Variants in CHN1 observed in about 807,000 individuals in gnomAD.
The protein encoded by CHN1 is N-chimaerin.
Under a neutral mutation model 59.5 loss-of-function variants are expected in CHN1, and 37 were observed. The ratio of observed to expected loss-of-function variants is 0.62; its 90% confidence interval spans 0.48 to 0.82. The LOEUF is 0.82. CHN1 is among the 40% of genes least tolerant of loss of function. The pLI is 0.00. For synonymous variants in CHN1, 206 were observed against 200.4 expected (o/e 1.03, Z -0.24); for missense variants, 469 against 571.0 (o/e 0.82, Z 1.82).
At chr2:174,882,007 C>T (rs1195397349) in intron 5 of CHN1, among the ~76,000 whole-genome samples, 1 of 152,190 alleles carries the variant, frequency 6.6e-6, no homozygotes, top group Non-Finnish European at 1.5e-5. Flanking sequence ...TTTGTAAAAA[C>T]TGTTGAGGCT....
chr2:174,905,368 C>T (rs1688514612), intron 5 of CHN1, among the ~76,000 whole-genome samples: 1 of 152,036 alleles, frequency 6.6e-6, no homozygotes, highest in Non-Finnish European at 1.5e-5. Context: ...TCAACTCTAC[C>T]CTTAAATGAA....
chr2:174,832,562 A>C (rs1685916343), intron 7 of CHN1, among the ~76,000 whole-genome samples: 1 of 152,092 alleles, frequency 6.6e-6, no homozygotes, highest in Non-Finnish European at 1.5e-5. Context: ...TTTCTTCTTC[A>C]ACCCATGAGT....
chr2:174,935,214 A>AC (rs1689461635), intron 3 of CHN1, among the ~76,000 whole-genome samples: 5 of 152,322 alleles, frequency 3.3e-5, no homozygotes, highest in Admixed American at 3.3e-4. Context: ...GCGCTTCTGC[A>AC]CTAAGTAAAG....
At chr2:174,996,422 C>T (rs902521894) in intron 1 of CHN1, among the ~76,000 whole-genome samples, 1 of 152,092 alleles carries the variant, frequency 6.6e-6, no homozygotes, top group South Asian at 2.1e-4. Context: ...TTTACAATAA[C>T]GATATAGGTG....
At chr2:174,867,387 A>C (rs1246939894) in intron 6 of CHN1, among the ~76,000 whole-genome samples, 1 of 152,066 alleles carries the variant, frequency 6.6e-6, no homozygotes, top group Non-Finnish European at 1.5e-5. Context: ...TCAAAAAAAA[A>C]AAAAGATTAC....
intron 6 of CHN1, chr2:174,875,678 AT>A: frequency 2.9e-6 from 1 of 348,496 alleles, no homozygotes; most frequent in Non-Finnish European, 4.0e-6. Flanking sequence ...GAGGTAAAGA[AT>A]TCACAGACAA....
intron 8 of CHN1, among the ~76,000 whole-genome samples, chr2:174,818,948 CATT>C (rs1250342787): frequency 6.6e-6 from 1 of 152,072 alleles, no homozygotes; most frequent in Non-Finnish European, 1.5e-5. Context: ...AAATTATAAT[CATT>C]ATTCTCTCTG....
intron 1 of CHN1, among the ~76,000 whole-genome samples, chr2:174,989,653 G>C (rs1691472475): frequency 1.3e-5 from 2 of 152,022 alleles, no homozygotes; most frequent in African/African-American, 4.8e-5. Context: ...AGCTGGGCAT[G>C]GTGGCTCGCA....
intron 3 of CHN1, among the ~76,000 whole-genome samples, chr2:174,919,248 A>G (rs1688935573): frequency 6.6e-6 from 1 of 152,238 alleles, no homozygotes; most frequent in African/African-American, 2.4e-5. Context: ...AGCTTTAAAA[A>G]GAAAATAGAA....
intron 5 of CHN1, among the ~76,000 whole-genome samples, chr2:174,882,943 C>A (rs528245335): frequency 6.6e-6 from 1 of 152,244 alleles, no homozygotes; most frequent in East Asian, 1.9e-4. Context: ...AAAATGATAT[C>A]CCATCCAAAA....
chr2:174,824,342 C>CT, intron 8 of CHN1, 92 bp downstream of exon 8: 1 of 903,612 alleles, frequency 1.1e-6, no homozygotes, highest in South Asian at 1.7e-5. Flanking sequence ...AGGATCCAGC[C>CT]TACTGGATAT....
At chr2:174,886,757 C>T (rs944036997) in intron 5 of CHN1, among the ~76,000 whole-genome samples, 4 of 152,122 alleles carry the variant, frequency 2.6e-5, no homozygotes, top group Admixed American at 6.6e-5. Context: ...TGGTCAAGTA[C>T]ATGCCTTAGG....
At chr2:174,920,279 C>T (rs1452854444) in intron 3 of CHN1, among the ~76,000 whole-genome samples, 1 of 152,058 alleles carries the variant, frequency 6.6e-6, no homozygotes, top group African/African-American at 2.4e-5. Context: ...ATGAATAATG[C>T]TGCAAGGAAC....
intron 11 of CHN1, among the ~76,000 whole-genome samples, chr2:174,802,807 A>AG (rs1282406376): frequency 1.3e-5 from 2 of 152,250 alleles, no homozygotes; most frequent in African/African-American, 2.4e-5. Context: ...TGGGAGGCCG[A>AG]GGGGGGTGGG....
chr2:174,889,628 G>T (rs1420678126), intron 5 of CHN1, among the ~76,000 whole-genome samples: 1 of 151,978 alleles, frequency 6.6e-6, no homozygotes, highest in Non-Finnish European at 1.5e-5. Context: ...GCAGAAGAAA[G>T]AATCAGCAAA....
chr2:174,824,416 C>T lies in CHN1; in HGVS notation c.712+18G>A, dbSNP rs1685612576. On this transcript the variant is annotated intron_variant, in intron 8 of 12. Coordinates refer to ENST00000409900, the MANE Select transcript of CHN1 (RefSeq NM_001822.7). Reference sequence around the variant, plus strand: ...CTTCACAACTGACTCAATCCAGAGACAAGACAAGAGCTCTTACCTGCACAT... The same window carrying T: ...CTTCACAACTGACTCAATCCAGAGATAAGACAAGAGCTCTTACCTGCACAT... The T allele has an allele frequency of 6.3e-7, 1 of 1,577,420 alleles. No homozygotes were observed. The highest frequency in any genetic ancestry group is 1.2e-5 in the South Asian group (1 of 85,510).
intron 5 of CHN1, among the ~76,000 whole-genome samples, chr2:174,906,868 G>C (rs1688557381): frequency 6.6e-6 from 1 of 152,112 alleles, no homozygotes; most frequent in Admixed American, 6.5e-5. Context: ...AGTCATTTTA[G>C]GTTCATTGAT....
chr2:174,994,596 T>C (rs1312510245), intron 1 of CHN1, among the ~76,000 whole-genome samples: 1 of 151,982 alleles, frequency 6.6e-6, no homozygotes, highest in Non-Finnish European at 1.5e-5. Context: ...AGGGCAGAGA[T>C]GGGTAGTATA....
chr2:174,983,940 G>A (rs1423616406), intron 1 of CHN1, among the ~76,000 whole-genome samples: 1 of 152,054 alleles, frequency 6.6e-6, no homozygotes, highest in Non-Finnish European at 1.5e-5. Flanking sequence ...AGAGATGATG[G>A]GAAAGACTCA....
Sources: allele counts gnomAD v4.1 joint callset (sites outside exome capture counted in the v4.1 genomes callset), GRCh38; gene constraint gnomAD v4.1.1; transcripts MANE v1.5; gene names NCBI Gene and HGNC (gene_info 2026-07-23, HGNC 2026-07-21).